Variants in TRIM58 observed in about 807,000 individuals in gnomAD.
The protein encoded by TRIM58 is tripartite motif containing 58, also known as E3 ubiquitin-protein ligase TRIM58.
TRIM58 carries 38 observed loss-of-function variants against 34.1 expected under a neutral mutation model. That is an observed-to-expected ratio of 1.12 (90% CI 0.86 to 1.46). The LOEUF is 1.46. TRIM58 is among the 40% of genes most tolerant of loss of function. The pLI, the probability that TRIM58 is intolerant of heterozygous loss-of-function variation, is 0.00. For missense variants in TRIM58, 677 were observed against 642.0 expected, an observed-to-expected ratio of 1.05 and a Z score of -0.59; for synonymous variants, 273 against 275.7, an observed-to-expected ratio of 0.99 and a Z score of 0.10.
chr1:247,866,438 C>G (rs1363531960), intron 3 of TRIM58, among the ~76,000 whole-genome samples: 1 of 152,148 alleles, frequency 6.6e-6, no homozygotes. Context: ...CCACTTTGGC[C>G]TCCCAAAGTG....
chr1:247,878,150 A>C lies in TRIM58; in HGVS notation c.*1661A>C, dbSNP rs981656671. ...TGCACTCCAGCCGGGGCAACAGAGCAAGACTCCATCTCAAAAATAAATAAA... is the reference window on the plus strand; with the variant it reads ...TGCACTCCAGCCGGGGCAACAGAGCCAGACTCCATCTCAAAAATAAATAAA... On this transcript the variant is annotated 3_prime_UTR_variant, in exon 6 of 6. Transcript: ENST00000366481. The C allele has an allele frequency of 2.0e-5, 3 of 148,896 alleles. No homozygotes were observed. The highest frequency in any genetic ancestry group is 6.9e-5 in the Admixed American group (1 of 14,408). The allele number at this position is 148,896 out of a possible 1,614,324, so 9.2% of individuals were successfully genotyped here. A position where few individuals can be genotyped will look rare whatever the true frequency, so the allele number is the denominator to read the frequency against.
At position 247,878,611 on chromosome 1, in the gene TRIM58, C is replaced by T. The variant is rs1659343842; in HGVS notation, c.*2122C>T. On this transcript the variant is annotated 3_prime_UTR_variant, in exon 6 of 6. Transcript: ENST00000366481. ...CTTCAGCTCAGCAACAGCATCCCTT[C>T]CCACAGGGATCAGGTGGGTGGCTTG... Among the ~76,000 whole-genome samples, 1 of 152,086 alleles carries T rather than the reference C, an allele frequency of 6.6e-6. No homozygotes were observed. The highest frequency in any genetic ancestry group is 2.1e-4 in the South Asian group (1 of 4,830).
chr1:247,874,200 A>G (rs1446404629), intron 5 of TRIM58, among the ~76,000 whole-genome samples: 1 of 152,244 alleles, frequency 6.6e-6, no homozygotes, highest in Non-Finnish European at 1.5e-5. Context: ...TAGGCTGTAC[A>G]GGAGTCATGG....
Position 247,866,067 on chromosome 1 carries a change from T to G in TRIM58, c.747+1132T>G, listed in dbSNP as rs1173536880. ...TATCTTATATATATTAAATTTATAT[T>G]TTATTATTATTGCTATGTTCATTTC... On this transcript the variant is annotated intron_variant, in intron 3 of 5. Transcript: ENST00000366481. 2.6e-5 allele frequency among the ~76,000 whole-genome samples: 4 copies of G among 152,094 alleles called. No homozygotes were observed. In the East Asian group the frequency reaches 7.7e-4, roughly 29 times the overall value.
chr1:247,876,402 G>A lies in TRIM58; in HGVS notation c.1374G>A (p.Leu458=), dbSNP rs751500557. The A allele has an allele frequency of 4.3e-6, 7 of 1,613,932 alleles. No individual in the cohort carries two copies. In the East Asian group the frequency reaches 1.3e-4, roughly 31 times the overall value. Residue 458 remains leucine (L), a synonymous_variant, in exon 6 of 6, where the codon TTG becomes TTA. Transcript: ENST00000366481. The stretch of plus-strand genomic sequence containing the variant: ...TCTGTGATGCAACTCCTCTTATCTT[G>A]CCACCCACAACAATAGCAGGGTCAG... The part of the protein sequence containing the change: ...FFICDATPLI[L]PPTTIAGSGN...
At chr1:247,858,699 T>C (rs1348778708) in intron 1 of TRIM58, among the ~76,000 whole-genome samples, 2 of 151,858 alleles carry the variant, frequency 1.3e-5, no homozygotes, top group African/African-American at 4.8e-5. Flanking sequence ...GCTAAACTTT[T>C]CTGGAATGTT....
At chr1:247,869,293 C>T (rs1647594435) in intron 5 of TRIM58, among the ~76,000 whole-genome samples, 2 of 152,098 alleles carry the variant, frequency 1.3e-5, no homozygotes, top group South Asian at 4.1e-4. Flanking sequence ...ACCCTTAAGC[C>T]CCTCTCCCTC....
chr1:247,871,828 A>C (rs1659132206), intron 5 of TRIM58, among the ~76,000 whole-genome samples: 1 of 152,228 alleles, frequency 6.6e-6, no homozygotes, highest in Non-Finnish European at 1.5e-5. Flanking sequence ...CAAAATACAC[A>C]GGCTGTAAGT....
chr1:247,862,640 A>G (rs73139851), intron 2 of TRIM58, among the ~76,000 whole-genome samples: 3,702 of 152,264 alleles, frequency 0.024, 167 homozygotes, highest in African/African-American at 0.085. Context: ...CAGAATCCCC[A>G]TATCGGAGAG....
At chr1:247,869,706 G>A (rs888763228) in intron 5 of TRIM58, among the ~76,000 whole-genome samples, 3 of 152,154 alleles carry the variant, frequency 2.0e-5, no homozygotes, top group Non-Finnish European at 2.9e-5. Flanking sequence ...AGATTTCATG[G>A]CTAAGTCAAA....
chr1:247,876,044 A>G lies in TRIM58; in HGVS notation c.1016A>G (p.Gln339Arg), dbSNP rs534840404. 5 of 1,614,214 alleles carry G rather than the reference A, an allele frequency of 3.1e-6. No homozygotes were observed. In the African/African-American group the frequency reaches 4.0e-5, roughly 13 times the overall value. Residue 339 changes from glutamine (Q) to arginine (R), a missense_variant, in exon 6 of 6, where the codon CAG (glutamine) becomes CGG (arginine). Gln to Arg is a conservative substitution (Grantham distance 43, BLOSUM62 1). Coordinates refer to ENST00000366481, the MANE Select transcript of TRIM58 (RefSeq NM_015431.4). ...FDTWPCILGLQSFSSGRHYWE... is the reference protein window; with the variant it reads ...FDTWPCILGLRSFSSGRHYWE... Reference sequence around the variant, plus strand: ...ACATGGCCCTGCATCCTGGGTTTGCAGAGCTTCTCATCAGGGAGGCATTAC... The same window carrying G: ...ACATGGCCCTGCATCCTGGGTTTGCGGAGCTTCTCATCAGGGAGGCATTAC...
intron 2 of TRIM58, among the ~76,000 whole-genome samples, chr1:247,861,969 C>CA (rs1256834452): frequency 3.3e-5 from 5 of 150,800 alleles, no homozygotes; most frequent in East Asian, 3.9e-4. Flanking sequence ...ACTAAAAATA[C>CA]AAAAAAAAAT....
chr1:247,865,801 C>T (rs542095195), intron 3 of TRIM58, among the ~76,000 whole-genome samples: 1 of 152,286 alleles, frequency 6.6e-6, no homozygotes, highest in East Asian at 1.9e-4. Flanking sequence ...GGACCGACTC[C>T]TATCTCCTCC....
chr1:247,876,896 A>C lies in TRIM58; in HGVS notation c.*407A>C, dbSNP rs1277186596. 2 of 170,386 alleles carry C rather than the reference A, an allele frequency of 1.2e-5. No individual in the cohort carries two copies. The highest frequency in any genetic ancestry group is 2.5e-5 in the Non-Finnish European group (2 of 79,430). The allele number at this position is 170,386 out of a possible 1,614,324, so 10.6% of individuals were successfully genotyped here. ...AATGGTCTGATACTATTCCAGTATC[A>C]CCTCCTTAATTCTGTTTCTCCTCGT... On this transcript the variant is annotated 3_prime_UTR_variant, in exon 6 of 6. Coordinates refer to ENST00000366481, the MANE Select transcript of TRIM58 (RefSeq NM_015431.4).
chr1:247,860,510 G>A, intron 1 of TRIM58, 107 bp from the exon 2 acceptor site: 1 of 695,690 alleles, frequency 1.4e-6, no homozygotes, highest in Non-Finnish European at 2.4e-6. Context: ...ACATTTTTAT[G>A]TGCTTTCTAG....
intron 5 of TRIM58, among the ~76,000 whole-genome samples, chr1:247,869,193 C>T (rs1664002043): frequency 6.6e-6 from 1 of 152,188 alleles, no homozygotes; most frequent in African/African-American, 2.4e-5. Flanking sequence ...AGCCACTGTG[C>T]CTGGCCAATG....
chr1:247,876,411 A>G lies in TRIM58; in HGVS notation c.1383A>G (p.Thr461=), dbSNP rs3811445. 955,484 of 1,613,694 alleles carry G rather than the reference A, an allele frequency of 0.59. 283,796 individuals are homozygous for G. The highest frequency in any genetic ancestry group is 0.69 in the Admixed American group (41,574 of 59,998). Residue 461 remains threonine, a synonymous_variant, in exon 6 of 6, where the codon ACA becomes ACG. Coordinates refer to ENST00000366481, the MANE Select transcript of TRIM58 (RefSeq NM_015431.4). ...CDATPLILPP[T]TIAGSGNWAS... ...CAACTCCTCTTATCTTGCCACCCAC[A>G]ACAATAGCAGGGTCAGGAAATTGGG... is the stretch of plus-strand genomic sequence containing the variant.
At chr1:247,867,752 G>C in intron 3 of TRIM58, 93 bp from the exon 4 acceptor site, 1 of 1,388,214 alleles carries the variant, frequency 7.2e-7, no homozygotes, top group Non-Finnish European at 1.0e-6. Context: ...ATGTTTTGCA[G>C]TAGTTTCTAA....
intron 1 of TRIM58, among the ~76,000 whole-genome samples, chr1:247,859,944 C>CT (rs1663746139): frequency 6.6e-6 from 1 of 151,922 alleles, no homozygotes; most frequent in African/African-American, 2.4e-5. Flanking sequence ...ATTACCAGCA[C>CT]ATTTTTTTTC....
Sources: gnomAD v4.1 joint callset for allele counts (sites outside exome capture counted in the v4.1 genomes callset) on GRCh38, gnomAD v4.1.1 for gene constraint, MANE v1.5 for transcripts, NCBI Gene and HGNC (gene_info 2026-07-23, HGNC 2026-07-21) for gene names.